Variants in DYNC2I1 observed in about 807,000 individuals in gnomAD.
DYNC2I1 encodes dynein 2 intermediate chain 1.
A neutral mutation model predicts 133.4 loss-of-function variants in DYNC2I1; 89 were observed. The observed-to-expected ratio is 0.67, with a 90% CI of 0.56 to 0.80. DYNC2I1 has a LOEUF of 0.80. Ranked by LOEUF, DYNC2I1 falls within the 30% of genes least tolerant of loss-of-function variation. The pLI is 0.00. For synonymous variants in DYNC2I1, 504 were observed against 484.3 expected, an observed-to-expected ratio of 1.04 and a Z score of -0.54; for missense variants, 1,291 against 1,314.5, an observed-to-expected ratio of 0.98 and a Z score of 0.28.
intron 1 of DYNC2I1, among the ~76,000 whole-genome samples, chr7:158,861,298 C>T (rs1298274720): frequency 6.6e-6 from 1 of 152,150 alleles, no homozygotes; most frequent in Non-Finnish European, 1.5e-5. Flanking sequence ...AGGTAGAATC[C>T]TAACTACTGT....
At chr7:158,879,406 C>T (rs1234789299) in intron 4 of DYNC2I1, among the ~76,000 whole-genome samples, 1 of 152,106 alleles carries the variant, frequency 6.6e-6, no homozygotes, top group Non-Finnish European at 1.5e-5. Flanking sequence ...GGTGTAGTGT[C>T]TGCATATAAC....
chr7:158,912,041 C>T, intron 12 of DYNC2I1, among the ~76,000 whole-genome samples: 1 of 152,192 alleles, frequency 6.6e-6, no homozygotes, highest in East Asian at 1.9e-4. Flanking sequence ...GTGGAGTGAT[C>T]TTGGCTCACT....
chr7:158,892,536 G>A (rs1585057043), intron 8 of DYNC2I1, among the ~76,000 whole-genome samples: 1 of 152,104 alleles, frequency 6.6e-6, no homozygotes, highest in Non-Finnish European at 1.5e-5. Flanking sequence ...TAGACTCTTG[G>A]GATCAAGCGA....
chr7:158,948,834 G>A (rs1391140921), downstream of DYNC2I1, among the ~76,000 whole-genome samples: 2 of 152,158 alleles, frequency 1.3e-5, no homozygotes, highest in African/African-American at 2.4e-5. Flanking sequence ...TATGGTAAAA[G>A]CACAAGTAGG....
At chr7:158,901,948 T>C in intron 9 of DYNC2I1, 132 bp downstream of exon 9, 2 of 696,972 alleles carry the variant, frequency 2.9e-6, no homozygotes, top group African/African-American at 1.9e-5. Flanking sequence ...CTAGGTTGAT[T>C]TAGGTCAAGC....
At chr7:158,921,756 G>A (rs974990770) in intron 15 of DYNC2I1, among the ~76,000 whole-genome samples, 6 of 152,172 alleles carry the variant, frequency 3.9e-5, no homozygotes, top group African/African-American at 1.4e-4. Context: ...CTTGGCGCCT[G>A]CCAGCGGTGC....
Position 158,894,112 on chromosome 7 carries a change from T to C in DYNC2I1, c.1059+2779T>C, listed in dbSNP as rs55765467. Reference sequence around the variant, plus strand: ...CCGTATAGCAAAGTGCATATCCTACTGCATATCCTACCGCATATCATACCG... The same window carrying C: ...CCGTATAGCAAAGTGCATATCCTACCGCATATCCTACCGCATATCATACCG... On this transcript the variant is annotated intron_variant, in intron 8 of 24. Coordinates refer to ENST00000407559, the MANE Select transcript of DYNC2I1 (RefSeq NM_018051.5). 1.6e-3 allele frequency among the ~76,000 whole-genome samples: 76 copies of C among 48,680 alleles called. 1 individual carries two copies. In the East Asian group the frequency reaches 0.019, roughly 12 times the overall value. 31.9% of individuals were successfully genotyped at this position (48,680 alleles called of 152,430 possible).
chr7:158,917,684 TCCACCTCTCACTAAACACCCC>T lies in DYNC2I1; in HGVS notation c.1792-1054_1792-1034del, dbSNP rs1245516978. 9.9e-5 allele frequency among the ~76,000 whole-genome samples: 14 copies of T among 141,370 alleles called. 1 individual carries two copies. Among genetic ancestry groups the T allele is most frequent in the South Asian group, 2.4e-4 (1 of 4,222 alleles). 92.7% of individuals were successfully genotyped at this position (141,370 alleles called of 152,430 possible). On this transcript the variant is annotated intron_variant, in intron 14 of 24. Coordinates refer to ENST00000407559, the MANE Select transcript of DYNC2I1 (RefSeq NM_018051.5). ...ACCCCCTGCCCTCCACACTCCACCCTCCACCTCTCACTAAACACCCCCTGCCCTCCACACTCCACCCTCTGC... is the reference window on the plus strand; with the variant it reads ...ACCCCCTGCCCTCCACACTCCACCCTCTGCCCTCCACACTCCACCCTCTGC...
chr7:158,850,263 T>A, the DYNC2I1 span, among the ~76,000 whole-genome samples: 32 of 152,262 alleles, frequency 2.1e-4, no homozygotes, highest in African/African-American at 7.5e-4. Context: ...TGTTCCCAGC[T>A]CCTGCCTGCT....
chr7:158,941,818 C>T, intron 23 of DYNC2I1, 107 bp from the exon 24 acceptor site: 1 of 1,323,392 alleles, frequency 7.6e-7, no homozygotes, highest in Non-Finnish European at 1.0e-6. Flanking sequence ...GTCAAGCTGC[C>T]ATGAGCTGTG....
chr7:158,924,418 C>A (rs1182973171), intron 17 of DYNC2I1, among the ~76,000 whole-genome samples: 1 of 152,212 alleles, frequency 6.6e-6, no homozygotes, highest in Non-Finnish European at 1.5e-5. Context: ...CATCACTCAC[C>A]CCTCTGTGTG....
intron 8 of DYNC2I1, among the ~76,000 whole-genome samples, chr7:158,901,215 T>G (rs1048255234): frequency 6.6e-6 from 1 of 152,132 alleles, no homozygotes; most frequent in Non-Finnish European, 1.5e-5. Context: ...GGAACACAGG[T>G]GCACACCACC....
In DYNC2I1 at chr7:158,907,443, A is replaced by G. The variant is rs116312099; in HGVS notation, c.1460+1352A>G. ...TGAAAAACAAGAAACTGATAACCAC[A>G]AAATTCAGTCTAGTGATTGTTGTGG... On this transcript the variant is annotated intron_variant, in intron 11 of 24. Coordinates refer to ENST00000407559, the MANE Select transcript of DYNC2I1 (RefSeq NM_018051.5). 6.8e-3 allele frequency among the ~76,000 whole-genome samples: 1,041 copies of G among 152,282 alleles called. 9 individuals are homozygous for G. The highest frequency in any genetic ancestry group is 0.024 in the African/African-American group (983 of 41,550).
intron 8 of DYNC2I1, among the ~76,000 whole-genome samples, chr7:158,894,077 A>G (rs1001544876): frequency 8.1e-5 from 4 of 49,102 alleles, no homozygotes; most frequent in Admixed American, 1.9e-4. Flanking sequence ...ATATCATACC[A>G]CATATTATAC....
chr7:158,875,390 G>A (rs1843263098), intron 3 of DYNC2I1, among the ~76,000 whole-genome samples: 2 of 152,166 alleles, frequency 1.3e-5, no homozygotes, highest in African/African-American at 4.8e-5. Flanking sequence ...ACCGTGCCCA[G>A]CCTGGTAAAT....
chr7:158,919,166 G>T (rs1185262963), intron 15 of DYNC2I1, among the ~76,000 whole-genome samples: 1 of 152,160 alleles, frequency 6.6e-6, no homozygotes, highest in Non-Finnish European at 1.5e-5. Flanking sequence ...TTGAAATCCT[G>T]TTTTCTTTTC....
At chr7:158,857,430 A>G (rs1841378309) in intron 1 of DYNC2I1, among the ~76,000 whole-genome samples, 1 of 152,022 alleles carries the variant, frequency 6.6e-6, no homozygotes, top group Non-Finnish European at 1.5e-5. Flanking sequence ...TTTAATTTGC[A>G]TACATTTTCT....
chr7:158,905,375 A>G (rs1482747757), intron 10 of DYNC2I1: 1 of 254,352 alleles, frequency 3.9e-6, no homozygotes, highest in African/African-American at 2.3e-5. Flanking sequence ...TCCAGCCCTC[A>G]AGTGATCCGC....
At chr7:158,924,922 A>G (rs1159400837) in intron 17 of DYNC2I1, among the ~76,000 whole-genome samples, 2 of 152,010 alleles carry the variant, frequency 1.3e-5, no homozygotes, top group African/African-American at 4.8e-5. Context: ...TGCTCGGCTA[A>G]TTTCTGTATT....
Sources: gnomAD v4.1 joint callset for allele counts (sites outside exome capture counted in the v4.1 genomes callset) on GRCh38, gnomAD v4.1.1 for gene constraint, MANE v1.5 for transcripts, NCBI Gene and HGNC (gene_info 2026-07-23, HGNC 2026-07-21) for gene names.